MBNL1: variants seen among roughly 807,000 people sequenced by gnomAD.
MBNL1 encodes the protein muscleblind like splicing regulator 1.
Under a neutral mutation model 42.2 loss-of-function variants are expected in MBNL1, and 8 were observed. That is an observed-to-expected ratio of 0.19 (90% confidence interval 0.11 to 0.34). The LOEUF (loss-of-function observed/expected upper bound fraction) is 0.34, where lower values mean the gene tolerates loss of function less well. Ranked by LOEUF, MBNL1 falls within the 10% of genes least tolerant of loss-of-function variation. MBNL1 has a pLI of 1.00. For synonymous variants in MBNL1, 169 were observed against 173.9 expected, an observed-to-expected ratio of 0.97 and a Z score of 0.22; for missense variants, 309 against 495.3, an observed-to-expected ratio of 0.62 and a Z score of 3.57.
chr3:152,408,801 T>C, intron 2 of MBNL1, among the ~76,000 whole-genome samples: 1 of 152,046 alleles, frequency 6.6e-6, no homozygotes, highest in East Asian at 1.9e-4. Flanking sequence ...TCTGGAGACA[T>C]TTTGGTTTAT....
chr3:152,249,027 T>C (rs2033889713), intron 2 of MBNL1, among the ~76,000 whole-genome samples: 1 of 151,110 alleles, frequency 6.6e-6, no homozygotes, highest in Admixed American at 6.6e-5. Flanking sequence ...TTGTTGGACA[T>C]TTGGGTTGGT....
chr3:152,329,335 A>G (rs757507957), intron 2 of MBNL1, among the ~76,000 whole-genome samples: 4 of 152,156 alleles, frequency 2.6e-5, no homozygotes, highest in Non-Finnish European at 5.9e-5. Context: ...GTGGAGCTGA[A>G]TTGGTTTCGG....
intron 2 of MBNL1, among the ~76,000 whole-genome samples, chr3:152,313,951 G>A (rs1438964392): frequency 1.3e-5 from 2 of 152,122 alleles, no homozygotes; most frequent in African/African-American, 4.8e-5. Flanking sequence ...AATGGTTGTA[G>A]CCATCTGTTA....
chr3:152,426,434 G>A (rs934565217), intron 3 of MBNL1, among the ~76,000 whole-genome samples: 14 of 152,066 alleles, frequency 9.2e-5, no homozygotes, highest in Non-Finnish European at 1.5e-5. Flanking sequence ...ATACTGTCTG[G>A]TGCAAATTTT....
intron 2 of MBNL1, among the ~76,000 whole-genome samples, chr3:152,248,805 C>T (rs2033807902): frequency 6.9e-6 from 1 of 145,566 alleles, no homozygotes. Context: ...GTGTGATGTT[C>T]CCCTTCCTGT....
chr3:152,366,124 GA>G (rs965523421), intron 2 of MBNL1, among the ~76,000 whole-genome samples: 2 of 151,612 alleles, frequency 1.3e-5, no homozygotes, highest in African/African-American at 2.4e-5. Flanking sequence ...ATTAAAATCA[GA>G]AAAAAAAGAG....
At chr3:152,340,703 C>T (rs776617415) in intron 2 of MBNL1, 47 of 1,613,872 alleles carry the variant, frequency 2.9e-5, no homozygotes, top group Non-Finnish European at 3.6e-5. Flanking sequence ...CAGATGTAAA[C>T]GGGAGAACTC....
intron 1 of MBNL1, among the ~76,000 whole-genome samples, chr3:152,273,379 A>G (rs1349352902): frequency 6.6e-6 from 1 of 152,220 alleles, no homozygotes; most frequent in Non-Finnish European, 1.5e-5. Flanking sequence ...AAAAATAGTA[A>G]ATACATGGTT....
At chr3:152,417,425 A>G (rs983162956) in intron 3 of MBNL1, among the ~76,000 whole-genome samples, 2 of 152,220 alleles carry the variant, frequency 1.3e-5, no homozygotes, top group East Asian at 1.9e-4. Flanking sequence ...CAACCCAGGT[A>G]GTAGTCATAT....
At chr3:152,343,905 T>C (rs1177840489) in intron 2 of MBNL1, among the ~76,000 whole-genome samples, 1 of 152,072 alleles carries the variant, frequency 6.6e-6, no homozygotes, top group African/African-American at 2.4e-5. Context: ...TGAGGAAAAA[T>C]GTATTTATAA....
At chr3:152,380,617 A>G (rs569912609) in intron 2 of MBNL1, among the ~76,000 whole-genome samples, 26 of 152,240 alleles carry the variant, frequency 1.7e-4, no homozygotes, top group South Asian at 4.1e-4. Flanking sequence ...TGAGCTGAAA[A>G]GAGTAATATT....
Position 152,254,089 on chromosome 3 carries a change from C to T in MBNL1, n.333+9649C>T, listed in dbSNP as rs144093125. On this transcript the variant is annotated intron_variant and non_coding_transcript_variant, in intron 2 of 2. Transcript: ENST00000477171. ...AATAAACAATGATTAAGTAAAAGGT[C>T]TCAACATTTCTGATAAGCATAATAG... 3.7e-3 allele frequency among the ~76,000 whole-genome samples: 569 copies of T among 152,158 alleles called. 7 individuals carry two copies. The highest frequency in any genetic ancestry group is 0.013 in the African/African-American group (543 of 41,526).
rs1431841623 is a variant in MBNL1, at chr3:152,405,368, G to A, written c.175-9573G>A. On this transcript the variant is annotated intron_variant, in intron 2 of 9. Coordinates refer to ENST00000324210, the MANE Select transcript of MBNL1 (RefSeq NM_021038.5). ...GAAATGTTACAAACAACCCTTCCCA[G>A]TAATACTGAGAGAGGATTAAGGGAA... Among the ~76,000 whole-genome samples, 5 of 152,222 alleles carry A rather than the reference G, an allele frequency of 3.3e-5. No individual in the cohort carries two copies. The East Asian group carries it at 5.8e-4, about 18-fold the overall frequency.
At chr3:152,277,474 A>G (rs945646642) in intron 1 of MBNL1, among the ~76,000 whole-genome samples, 3 of 152,096 alleles carry the variant, frequency 2.0e-5, no homozygotes, top group Non-Finnish European at 4.4e-5. Flanking sequence ...AGACCTTGCT[A>G]TTTTAGGGAA....
chr3:152,310,172 A>G (rs2065543382), intron 2 of MBNL1, among the ~76,000 whole-genome samples: 1 of 152,226 alleles, frequency 6.6e-6, no homozygotes, highest in African/African-American at 2.4e-5. Context: ...TGAGTACACC[A>G]CTAATTTTTG....
intron 2 of MBNL1, among the ~76,000 whole-genome samples, chr3:152,399,643 A>T (rs2098129472): frequency 6.6e-6 from 1 of 151,886 alleles, no homozygotes; most frequent in African/African-American, 2.4e-5. Context: ...GGGACCAAAG[A>T]TGTATGCCAC....
At chr3:152,365,864 C>A (rs550376883) in intron 2 of MBNL1, among the ~76,000 whole-genome samples, 3 of 152,192 alleles carry the variant, frequency 2.0e-5, no homozygotes, top group Admixed American at 2.0e-4. Flanking sequence ...AGAAAAGATA[C>A]ACAAACTCAC....
chr3:152,311,118 C>T (rs763408290), intron 2 of MBNL1, among the ~76,000 whole-genome samples: 2 of 149,958 alleles, frequency 1.3e-5, no homozygotes, highest in Non-Finnish European at 3.0e-5. Context: ...AAGCGATTCT[C>T]CTGCCTCAGC....
chr3:152,327,434 G>A (rs573629431), intron 2 of MBNL1, among the ~76,000 whole-genome samples: 7 of 152,014 alleles, frequency 4.6e-5, no homozygotes, highest in Non-Finnish European at 8.8e-5. Flanking sequence ...TGCAACCGCC[G>A]CCTCCTAGGT....
Sources: allele counts gnomAD v4.1 joint callset (sites outside exome capture counted in the v4.1 genomes callset), GRCh38; gene constraint gnomAD v4.1.1; transcripts MANE v1.5; gene names NCBI Gene and HGNC (gene_info 2026-07-23, HGNC 2026-07-21).